LSAMP: variants seen among roughly 807,000 people sequenced by gnomAD.
The protein encoded by LSAMP is limbic system-associated membrane protein.
Under a neutral mutation model 38.6 loss-of-function variants are expected in LSAMP, and 7 were observed. That is an observed-to-expected ratio of 0.18 (90% CI 0.10 to 0.34). LSAMP has a LOEUF of 0.34. Among genes scored for constraint, LSAMP ranks in the 10% least tolerant of loss-of-function variants. The probability of loss-of-function intolerance (pLI) is 1.00; values close to 1 mark genes in which losing one functional copy is unlikely to be tolerated. For synonymous variants in LSAMP, 154 were observed against 166.8 expected (o/e 0.92, Z 0.59); for missense variants, 313 against 420.0 (o/e 0.75, Z 2.23).
At chr3:116,293,904 T>A (rs2047298194) in intron 1 of LSAMP, among the ~76,000 whole-genome samples, 1 of 152,076 alleles carries the variant, frequency 6.6e-6, no homozygotes, top group South Asian at 2.1e-4. Flanking sequence ...TCAGGTGACA[T>A]GCAACATAAT....
intron 1 of LSAMP, among the ~76,000 whole-genome samples, chr3:116,150,622 G>C (rs1013533495): frequency 1.3e-5 from 2 of 151,926 alleles, no homozygotes; most frequent in East Asian, 3.9e-4. Context: ...ATGGGGCTGA[G>C]GGCCAAGGAA....
At chr3:116,118,266 T>G (rs1031633459) in intron 1 of LSAMP, among the ~76,000 whole-genome samples, 1 of 152,108 alleles carries the variant, frequency 6.6e-6, no homozygotes, top group African/African-American at 2.4e-5. Flanking sequence ...TTCAAATAAT[T>G]TCTCTTATTT....
chr3:116,082,908 G>C (rs1707903672), intron 2 of LSAMP, among the ~76,000 whole-genome samples: 1 of 152,140 alleles, frequency 6.6e-6, no homozygotes, highest in Admixed American at 6.6e-5. Flanking sequence ...TGGGAGGAGA[G>C]AGAGGATAAG....
At chr3:115,912,976 C>T (rs1446291352) in intron 3 of LSAMP, among the ~76,000 whole-genome samples, 1 of 152,114 alleles carries the variant, frequency 6.6e-6, no homozygotes. Context: ...ATGGAATATT[C>T]AGGGGTTTTA....
intron 1 of LSAMP, among the ~76,000 whole-genome samples, chr3:116,115,564 TTTAA>T (rs1210305011): frequency 6.6e-6 from 1 of 152,228 alleles, no homozygotes; most frequent in Admixed American, 6.5e-5. Context: ...TTTCTGTTTA[TTTAA>T]TTATTTTGGT....
At chr3:116,328,756 T>C (rs141739393) in intron 1 of LSAMP, among the ~76,000 whole-genome samples, 2 of 152,262 alleles carry the variant, frequency 1.3e-5, no homozygotes, top group East Asian at 3.9e-4. Flanking sequence ...ACATTACCAA[T>C]GCTCTAGAGG....
chr3:116,003,922 T>G (rs546572657), intron 3 of LSAMP, among the ~76,000 whole-genome samples: 2 of 152,298 alleles, frequency 1.3e-5, no homozygotes, highest in African/African-American at 4.8e-5. Flanking sequence ...TTCTGTTGTT[T>G]TAAGCCATGC....
At chr3:116,257,844 AT>A (rs1303344746) in intron 1 of LSAMP, among the ~76,000 whole-genome samples, 1 of 151,966 alleles carries the variant, frequency 6.6e-6, no homozygotes, top group African/African-American at 2.4e-5. Flanking sequence ...TCTTTGTGTC[AT>A]TTTTCCTTGT....
chr3:115,823,642 T>A (rs1008095126), intron 6 of LSAMP, among the ~76,000 whole-genome samples: 7 of 152,082 alleles, frequency 4.6e-5, no homozygotes, highest in African/African-American at 9.7e-5. Flanking sequence ...TGCATTTTTT[T>A]AAAAAAAACC....
intron 3 of LSAMP, among the ~76,000 whole-genome samples, chr3:115,869,269 GGAGAGAGAGAGA>G (rs35112915): frequency 4.7e-5 from 6 of 128,450 alleles, no homozygotes; most frequent in East Asian, 4.4e-4. Flanking sequence ...TCTTGGAGGG[GGAGAGAGAGAGA>G]GAGAGAGAGA....
chr3:116,134,618 C>T (rs993737667), intron 1 of LSAMP, among the ~76,000 whole-genome samples: 11 of 152,146 alleles, frequency 7.2e-5, no homozygotes, highest in South Asian at 4.1e-4. Flanking sequence ...TTCATGTGTT[C>T]GTCCACCATC....
intron 1 of LSAMP, among the ~76,000 whole-genome samples, chr3:116,325,369 C>A (rs1195479560): frequency 6.6e-6 from 1 of 152,080 alleles, no homozygotes; most frequent in Non-Finnish European, 1.5e-5. Flanking sequence ...TGCTATATTG[C>A]AGTCTTATCT....
At chr3:116,170,595 G>A (rs934652172) in intron 1 of LSAMP, among the ~76,000 whole-genome samples, 11 of 152,132 alleles carry the variant, frequency 7.2e-5, no homozygotes, top group East Asian at 5.8e-4. Flanking sequence ...CGATTGTGGC[G>A]AATTAGTTAA....
chr3:115,903,446 T>A (rs1936929808), intron 3 of LSAMP, among the ~76,000 whole-genome samples: 1 of 151,952 alleles, frequency 6.6e-6, no homozygotes, highest in African/African-American at 2.4e-5. Context: ...GTGACATGAG[T>A]TTACCTATAT....
At chr3:116,210,529 C>T (rs2046142233) in intron 1 of LSAMP, among the ~76,000 whole-genome samples, 1 of 152,176 alleles carries the variant, frequency 6.6e-6, no homozygotes, top group Admixed American at 6.5e-5. Context: ...GGGCCTTTGG[C>T]CACAGACCGA....
intron 1 of LSAMP, among the ~76,000 whole-genome samples, chr3:116,117,110 A>T (rs150135304): frequency 2.0e-5 from 3 of 152,276 alleles, no homozygotes; most frequent in Admixed American, 1.3e-4. Context: ...TAATCAAAAC[A>T]TTCGACTTAT....
At position 115,805,428 on chromosome 3, in the gene LSAMP, A is replaced by C. The variant is rs1577023934; in HGVS notation, c.*4889T>G. 1 of 152,160 alleles carries C rather than the reference A, an allele frequency of 6.6e-6. No homozygotes were observed. Among genetic ancestry groups the C allele is most frequent in the East Asian group, 1.9e-4 (1 of 5,186 alleles). 9.4% of individuals were successfully genotyped at this position (152,160 alleles called of 1,614,324 possible). On this transcript the variant is annotated 3_prime_UTR_variant, in exon 7 of 7. Coordinates refer to ENST00000490035, the MANE Select transcript of LSAMP (RefSeq NM_002338.5). ...AAGAATCATAGTAAACCTTAGCAGTAGTTGGGCACTGCATGAAAAATGAAG... is the reference window on the plus strand; with the variant it reads ...AAGAATCATAGTAAACCTTAGCAGTCGTTGGGCACTGCATGAAAAATGAAG...
intron 1 of LSAMP, among the ~76,000 whole-genome samples, chr3:116,089,023 T>C (rs1708056593): frequency 6.6e-6 from 1 of 152,186 alleles, no homozygotes; most frequent in Non-Finnish European, 1.5e-5. Flanking sequence ...TCCTTAACAA[T>C]ATAAGGTAAA....
At chr3:116,178,744 C>T (rs1048331682) in intron 1 of LSAMP, among the ~76,000 whole-genome samples, 1 of 152,132 alleles carries the variant, frequency 6.6e-6, no homozygotes, top group Admixed American at 6.6e-5. Context: ...CTCTCTATCC[C>T]ACCCTTCAAA....
Sources: gnomAD v4.1 joint callset for allele counts (sites outside exome capture counted in the v4.1 genomes callset) on GRCh38, gnomAD v4.1.1 for gene constraint, MANE v1.5 for transcripts, NCBI Gene and HGNC (gene_info 2026-07-23, HGNC 2026-07-21) for gene names.